FRMD4A: variants seen among roughly 807,000 people sequenced by gnomAD.
FRMD4A encodes the protein FERM domain containing 4A.
In FRMD4A, 29 loss-of-function variants were observed where a neutral mutation model predicts 129.1. The observed-to-expected ratio is 0.22, with a 90% CI of 0.17 to 0.31. The LOEUF is 0.31. FRMD4A is among the 10% of genes least tolerant of loss of function. The probability of loss-of-function intolerance (pLI) is 1.00; values close to 1 mark genes in which losing one functional copy is unlikely to be tolerated. For missense variants in FRMD4A, 1,272 were observed against 1,375.8 expected, an observed-to-expected ratio of 0.92 and a Z score of 1.19; for synonymous variants, 634 against 571.6, an observed-to-expected ratio of 1.11 and a Z score of -1.56.
At chr10:14,142,178 T>C (rs80263289) in intron 2 of FRMD4A, among the ~76,000 whole-genome samples, 12,141 of 152,190 alleles carry the variant, frequency 0.08, 700 homozygotes, top group African/African-American at 0.16. Flanking sequence ...TTGTTTTTGC[T>C]AGAAAGTCCC....
chr10:14,055,361 A>T (rs1255984407), intron 2 of FRMD4A, among the ~76,000 whole-genome samples: 1 of 152,002 alleles, frequency 6.6e-6, no homozygotes, highest in East Asian at 1.9e-4. Context: ...AGGCAGTAAG[A>T]TGTGCAATAA....
intron 6 of FRMD4A, among the ~76,000 whole-genome samples, chr10:13,766,885 C>A (rs1469184272): frequency 6.6e-6 from 1 of 152,118 alleles, no homozygotes; most frequent in African/African-American, 2.4e-5. Context: ...CCATCCTGGA[C>A]AACATGGTGA....
intron 2 of FRMD4A, among the ~76,000 whole-genome samples, chr10:14,247,223 C>T (rs1466515501): frequency 6.6e-6 from 1 of 152,074 alleles, no homozygotes; most frequent in East Asian, 1.9e-4. Flanking sequence ...CCAGAGTCAC[C>T]CCGCTTCCAT....
At chr10:14,091,828 T>A (rs1275591074) in intron 2 of FRMD4A, among the ~76,000 whole-genome samples, 1 of 152,214 alleles carries the variant, frequency 6.6e-6, no homozygotes, top group Non-Finnish European at 1.5e-5. Flanking sequence ...TTTCAGTTAG[T>A]ATATGATGTG....
At chr10:13,875,946 G>C (rs1337023927) in intron 2 of FRMD4A, among the ~76,000 whole-genome samples, 1 of 152,242 alleles carries the variant, frequency 6.6e-6, no homozygotes, top group East Asian at 1.9e-4. Flanking sequence ...GTGAAGGTGG[G>C]TTAACTTTGC....
At chr10:14,306,075 G>A (rs757718717) in intron 2 of FRMD4A, among the ~76,000 whole-genome samples, 40 of 152,052 alleles carry the variant, frequency 2.6e-4, no homozygotes, top group Non-Finnish European at 1.8e-4. Flanking sequence ...AAAGCACCAC[G>A]GCACACATTT....
chr10:13,698,101 A>AGGGAGG (rs1249600363), intron 14 of FRMD4A, among the ~76,000 whole-genome samples: 1 of 151,712 alleles, frequency 6.6e-6, no homozygotes, highest in Non-Finnish European at 1.5e-5. Flanking sequence ...GGAGGGAGGG[A>AGGGAGG]GAGACAGGCA....
chr10:13,927,236 A>G (rs1223639625), intron 2 of FRMD4A, among the ~76,000 whole-genome samples: 2 of 146,652 alleles, frequency 1.4e-5, no homozygotes, highest in Non-Finnish European at 3.0e-5. Flanking sequence ...CTGAGTGACA[A>G]AGCAAGACTC....
At chr10:13,681,364 C>G (rs2084567400) in intron 15 of FRMD4A, among the ~76,000 whole-genome samples, 1 of 152,126 alleles carries the variant, frequency 6.6e-6, no homozygotes, top group Non-Finnish European at 1.5e-5. Context: ...TGAGCTGTCT[C>G]TGGGATTAAT....
chr10:13,649,796 C>T (rs1056030429), intron 24 of FRMD4A, among the ~76,000 whole-genome samples: 2 of 152,132 alleles, frequency 1.3e-5, no homozygotes, highest in Non-Finnish European at 2.9e-5. Flanking sequence ...CCATGTGCTA[C>T]GAAAGAGACC....
intron 2 of FRMD4A, among the ~76,000 whole-genome samples, chr10:14,148,903 T>A (rs1014927178): frequency 2.0e-5 from 3 of 152,172 alleles, no homozygotes; most frequent in Non-Finnish European, 4.4e-5. Flanking sequence ...ATATTAGGGG[T>A]TTACGCTAGG....
At chr10:14,107,027 G>A (rs1837624281) in intron 2 of FRMD4A, among the ~76,000 whole-genome samples, 2 of 152,176 alleles carry the variant, frequency 1.3e-5, no homozygotes, top group Admixed American at 6.5e-5. Flanking sequence ...CCATGAAAAA[G>A]ATTGAAATCA....
chr10:14,168,982 A>C (rs1157648125), intron 2 of FRMD4A, among the ~76,000 whole-genome samples: 32 of 152,156 alleles, frequency 2.1e-4, no homozygotes, highest in Admixed American at 2.1e-3. Context: ...TCTGAAAAAG[A>C]ATAAAGTTTT....
chr10:14,278,704 G>A (rs1391043672), intron 2 of FRMD4A, among the ~76,000 whole-genome samples: 3 of 152,112 alleles, frequency 2.0e-5, no homozygotes, highest in Admixed American at 6.5e-5. Context: ...GGGATCATGC[G>A]TTTTCCAGCT....
At position 13,652,122 on chromosome 10, in the gene FRMD4A, C is replaced by G. The variant is rs2081670459; in HGVS notation, c.3051-148G>C. Reference sequence around the variant, plus strand: ...TGAGTTAGCAACAGATCATACAAGTCATGCAGTACTTTCAGTCCCCATAAT... The same window carrying G: ...TGAGTTAGCAACAGATCATACAAGTGATGCAGTACTTTCAGTCCCCATAAT... On this transcript the variant is annotated intron_variant, in intron 23 of 24. Transcript: ENST00000357447. 1.6e-5 allele frequency: 11 copies of G among 668,166 alleles called. No homozygotes were observed. In the East Asian group the frequency reaches 2.9e-4, roughly 18 times the overall value. The allele number at this position is 668,166 out of a possible 1,614,324, so 41.4% of individuals were successfully genotyped here. A position where few individuals can be genotyped will look rare whatever the true frequency, so the allele number is the denominator to read the frequency against.
At chr10:14,076,675 T>C (rs1359342590) in intron 2 of FRMD4A, among the ~76,000 whole-genome samples, 1 of 152,166 alleles carries the variant, frequency 6.6e-6, no homozygotes, top group Non-Finnish European at 1.5e-5. Flanking sequence ...TTAGATGCAT[T>C]ACTATGAACT....
At chr10:13,778,307 A>C (rs1040597994) in intron 6 of FRMD4A, among the ~76,000 whole-genome samples, 1 of 152,192 alleles carries the variant, frequency 6.6e-6, no homozygotes, top group Non-Finnish European at 1.5e-5. Flanking sequence ...TATAATGAGA[A>C]AGTGGGGTCT....
At chr10:14,183,261 T>A (rs1172146405) in intron 2 of FRMD4A, among the ~76,000 whole-genome samples, 2 of 152,226 alleles carry the variant, frequency 1.3e-5, no homozygotes, top group Admixed American at 6.5e-5. Flanking sequence ...GCAGACAGAG[T>A]TCACTTTATA....
At chr10:14,287,751 C>T (rs997260276) in intron 2 of FRMD4A, among the ~76,000 whole-genome samples, 5 of 152,210 alleles carry the variant, frequency 3.3e-5, no homozygotes, top group African/African-American at 1.2e-4. Flanking sequence ...ACCACTCACC[C>T]TACTGAAACA....
Sources: allele counts gnomAD v4.1 joint callset (sites outside exome capture counted in the v4.1 genomes callset), GRCh38; gene constraint gnomAD v4.1.1; transcripts MANE v1.5; gene names NCBI Gene and HGNC (gene_info 2026-07-23, HGNC 2026-07-21).